Variants in PKIA observed in about 807,000 individuals in gnomAD.
PKIA encodes cAMP-dependent protein kinase inhibitor alpha, also known as PKI-alpha.
Under a neutral mutation model 7.6 loss-of-function variants are expected in PKIA, and 4 were observed. The observed-to-expected ratio is 0.52, with a 90% confidence interval of 0.26 to 1.20. The LOEUF (loss-of-function observed/expected upper bound fraction) is 1.20. Among genes scored for constraint, PKIA ranks in the 50% most tolerant of loss-of-function variants. The pLI is 0.13. For missense variants in PKIA, 73 were observed against 86.2 expected (o/e 0.85, Z 0.61); for synonymous variants, 21 against 30.7 (o/e 0.68, Z 1.04).
At chr8:78,558,102 A>G (rs1807187549) in intron 1 of PKIA, among the ~76,000 whole-genome samples, 1 of 149,744 alleles carries the variant, frequency 6.7e-6, no homozygotes, top group Non-Finnish European at 1.5e-5. Context: ...TCAAAACAAA[A>G]TCAAATTATC....
rs1808391500 is a variant in PKIA, at chr8:78,603,111, T to C, written c.*1290T>C. 6.6e-6 allele frequency: 1 copy of C among 152,460 alleles called. No individual in the cohort carries two copies. The highest frequency in any genetic ancestry group is 2.4e-5 in the African/African-American group (1 of 41,436). The allele number at this position is 152,460 out of a possible 1,614,324, so 9.4% of individuals were successfully genotyped here. A position where few individuals can be genotyped will look rare whatever the true frequency, so the allele number is the denominator to read the frequency against. ...CTGTGTTTGATGGCCTCTGCTGTGT[T>C]TTAACATCGTGCTTCTTATATGGAA... On this transcript the variant is annotated 3_prime_UTR_variant, in exon 4 of 4. Transcript: ENST00000396418.
intron 2 of PKIA, among the ~76,000 whole-genome samples, chr8:78,582,874 A>G (rs1000531486): frequency 6.6e-6 from 1 of 152,102 alleles, no homozygotes; most frequent in Admixed American, 6.6e-5. Context: ...CAGAAATGCA[A>G]CCTTTTAAAT....
intron 1 of PKIA, among the ~76,000 whole-genome samples, chr8:78,553,960 G>A (rs938481664): frequency 6.6e-6 from 1 of 151,938 alleles, no homozygotes; most frequent in Admixed American, 6.6e-5. Context: ...GGGGAGGAGA[G>A]GAGAGATACT....
At chr8:78,569,968 A>C (rs1807507326) in intron 1 of PKIA, among the ~76,000 whole-genome samples, 1 of 152,176 alleles carries the variant, frequency 6.6e-6, no homozygotes, top group African/African-American at 2.4e-5. Flanking sequence ...AATAGAATTT[A>C]TCAAACTTGA....
intron 2 of PKIA, among the ~76,000 whole-genome samples, chr8:78,597,060 T>A (rs1371369452): frequency 6.6e-6 from 1 of 152,180 alleles, no homozygotes; most frequent in African/African-American, 2.4e-5. Flanking sequence ...TATACCAGTA[T>A]CATGCTGTTT....
At chr8:78,564,785 TAC>T (rs1272960155) in intron 1 of PKIA, among the ~76,000 whole-genome samples, 2 of 151,850 alleles carry the variant, frequency 1.3e-5, no homozygotes, top group Non-Finnish European at 2.9e-5. Flanking sequence ...AGTAGAAAAT[TAC>T]AGTCATTAAA....
intron 1 of PKIA, among the ~76,000 whole-genome samples, chr8:78,559,558 C>G (rs893238667): frequency 1.3e-5 from 2 of 152,176 alleles, no homozygotes; most frequent in African/African-American, 4.8e-5. Flanking sequence ...CATGTTTGAA[C>G]ATAACTGGTT....
At chr8:78,588,956 G>A (rs557768772) in intron 2 of PKIA, among the ~76,000 whole-genome samples, 2 of 151,714 alleles carry the variant, frequency 1.3e-5, no homozygotes, top group South Asian at 2.1e-4. Flanking sequence ...AGAGTTAAAA[G>A]ATAAAAGATT....
chr8:78,522,784 T>G (rs2118322825), intron 1 of PKIA, among the ~76,000 whole-genome samples: 1 of 152,072 alleles, frequency 6.6e-6, no homozygotes, highest in East Asian at 1.9e-4. Flanking sequence ...GCACCAGCAA[T>G]AGGTTATTTG....
chr8:78,561,213 A>G (rs1186253420), intron 1 of PKIA, among the ~76,000 whole-genome samples: 1 of 152,174 alleles, frequency 6.6e-6, no homozygotes, highest in African/African-American at 2.4e-5. Flanking sequence ...CTTTCAGGCT[A>G]AAGATAAATT....
rs1585921000 is a variant in PKIA at position 78,584,931 on chromosome 8, T to A, written c.-28+11992T>A. Among the ~76,000 whole-genome samples, 3 of 152,152 alleles carry A rather than the reference T, an allele frequency of 2.0e-5. No individual in the cohort carries two copies. The Middle Eastern group carries it at 0.01, about 518-fold the overall frequency. On this transcript the variant is annotated intron_variant, in intron 2 of 3. Transcript: ENST00000396418. ...ACCATTTTAAATAGTTTCTTGAATA[T>A]TCCTGGTAATGGAATAGAGTCATAA...
chr8:78,543,814 C>T (rs1170608028), intron 1 of PKIA, among the ~76,000 whole-genome samples: 1 of 152,170 alleles, frequency 6.6e-6, no homozygotes, highest in Admixed American at 6.6e-5. Context: ...TCTAAAATTA[C>T]GATGTCGTGT....
At chr8:78,584,006 A>C (rs1807884584) in intron 2 of PKIA, among the ~76,000 whole-genome samples, 1 of 152,122 alleles carries the variant, frequency 6.6e-6, no homozygotes, top group Admixed American at 6.6e-5. Context: ...ATTTCATATT[A>C]ATTTCCTAAG....
intron 2 of PKIA, among the ~76,000 whole-genome samples, chr8:78,588,730 T>G (rs558936427): frequency 6.6e-6 from 1 of 151,952 alleles, no homozygotes; most frequent in Non-Finnish European, 1.5e-5. Context: ...TGTGTAAAAT[T>G]ACAAGGGGAA....
At chr8:78,535,885 G>A (rs934725398) in intron 1 of PKIA, 7 of 151,998 alleles carry the variant, frequency 4.6e-5, no homozygotes, top group Non-Finnish European at 8.8e-5. Flanking sequence ...TGGTATCTGC[G>A]GGTTTTGATA....
rs537254403 is a variant in PKIA at position 78,542,178 on chromosome 8, A to G, written c.-157+25710A>G. On this transcript the variant is annotated intron_variant, in intron 1 of 3. Coordinates refer to ENST00000396418, the MANE Select transcript of PKIA (RefSeq NM_006823.4). ...ACCCTGTCTCAAAAAATACAGTAAG[A>G]AGAGCCATGCCACTCCTTGTATTTA... Among the ~76,000 whole-genome samples the G allele has an allele frequency of 2.0e-5, 3 of 152,098 alleles. No individual in the cohort carries two copies. The East Asian group carries it at 5.8e-4, about 29-fold the overall frequency.
intron 1 of PKIA, among the ~76,000 whole-genome samples, chr8:78,567,239 A>G (rs1177488640): frequency 1.3e-5 from 2 of 152,114 alleles, no homozygotes; most frequent in African/African-American, 2.4e-5. Flanking sequence ...TATTATCATT[A>G]ACTGAAGTTC....
chr8:78,519,901 T>C (rs1217681639), intron 1 of PKIA, among the ~76,000 whole-genome samples: 1 of 152,166 alleles, frequency 6.6e-6, no homozygotes, highest in Non-Finnish European at 1.5e-5. Context: ...ACTGACTCAC[T>C]TATGAAGCCT....
chr8:78,582,460 TG>T (rs1807835580), intron 2 of PKIA, among the ~76,000 whole-genome samples: 1 of 151,912 alleles, frequency 6.6e-6, no homozygotes, highest in African/African-American at 2.4e-5. Context: ...GAGAACAGCA[TG>T]GGGGGAACCA....
Sources: gnomAD v4.1 joint callset for allele counts (sites outside exome capture counted in the v4.1 genomes callset) on GRCh38, gnomAD v4.1.1 for gene constraint, MANE v1.5 for transcripts, NCBI Gene and HGNC (gene_info 2026-07-23, HGNC 2026-07-21) for gene names.